The following PFKFB3 variants were observed in gnomAD, a reference collection of about 807,000 sequenced individuals.
PFKFB3 encodes 6-phosphofructo-2-kinase/fructose-2,6-biphosphatase 3, also known as 6-phosphofructo-2-kinase/fructose-2,6-bisphosphatase 3.
A neutral mutation model predicts 68.0 loss-of-function variants in PFKFB3; 33 were observed. The ratio of observed to expected loss-of-function variants is 0.49; its 90% confidence interval spans 0.37 to 0.65. The LOEUF (loss-of-function observed/expected upper bound fraction) is 0.65, where lower values mean the gene tolerates loss of function less well. PFKFB3 is among the 30% of genes least tolerant of loss of function. The pLI is 0.00. For synonymous variants in PFKFB3, 315 were observed against 288.2 expected (o/e 1.09, Z -0.94); for missense variants, 586 against 712.2 (o/e 0.82, Z 2.02).
chr10:6,254,938 C>G (rs1846471930), downstream of PFKFB3, among the ~76,000 whole-genome samples: 1 of 150,790 alleles, frequency 6.6e-6, no homozygotes, highest in African/African-American at 2.4e-5. Context: ...CTGCCTCAGC[C>G]TCCCGCGTAG....
At chr10:6,222,114 T>C (rs1481398530) in intron 10 of PFKFB3, among the ~76,000 whole-genome samples, 2 of 152,116 alleles carry the variant, frequency 1.3e-5, no homozygotes, top group African/African-American at 4.8e-5. Context: ...GAGGACGCTG[T>C]TGCCTCCTCT....
In PFKFB3 at chr10:6,207,465, A is replaced by T. The variant is rs186376141; in HGVS notation, c.76+4129A>T. On this transcript the variant is annotated intron_variant, in intron 1 of 14. Transcript: ENST00000379775. ...GGAGAGGGAGCTGGAGCTTAAAAAA[A>T]TTTTTTCATAGAGATGGGGTCTTGC... is the stretch of plus-strand genomic sequence containing the variant. Among the ~76,000 whole-genome samples the T allele has an allele frequency of 1.3e-3, 194 of 152,136 alleles. 1 individual carries two copies. Among genetic ancestry groups the T allele is most frequent in the African/African-American group, 3.5e-3 (146 of 41,498 alleles).
intron 1 of PFKFB3, chr10:6,145,075 G>A (rs1841332320): frequency 2.4e-6 from 3 of 1,254,728 alleles, no homozygotes; most frequent in African/African-American, 1.6e-5. Context: ...GCGGCCGCCT[G>A]TGGGTACCCG....
the PFKFB3 span, among the ~76,000 whole-genome samples, chr10:6,300,003 G>A: frequency 1.8e-5 from 2 of 110,958 alleles, no homozygotes; most frequent in African/African-American, 3.2e-5. Context: ...TTTTAGTGAA[G>A]AGGGAGGAAT....
Position 6,229,213 on chromosome 10 carries a change from G to T in PFKFB3, c.1515+2848G>T. ...ATGGCGCTCAGATTTTGGTGGCAAA[G>T]GGGTGAAGGGCCAGAGGATGTACCA... is the stretch of plus-strand genomic sequence containing the variant. On this transcript the variant is annotated intron_variant, in intron 14 of 14. Coordinates refer to ENST00000379775, the MANE Select transcript of PFKFB3 (RefSeq NM_004566.4). This position sits in a 1 kb window ranked among gnomAD's most constrained non-coding sequence, Gnocchi z 4.3. 2.0e-6 allele frequency: 1 copy of T among 503,882 alleles called. No homozygotes were observed. The highest frequency in any genetic ancestry group is 5.9e-5 in the East Asian group (1 of 16,962). The allele number at this position is 503,882 out of a possible 1,614,324, so 31.2% of individuals were successfully genotyped here. A position where few individuals can be genotyped will look rare whatever the true frequency, so the allele number is the denominator to read the frequency against.
In PFKFB3 at chr10:6,177,472, C is replaced by CTTTCTTTCTT. The variant is rs1842553402; in HGVS notation, c.16+32461_16+32470dup. Among the ~76,000 whole-genome samples the CTTTCTTTCTT allele has an allele frequency of 2.4e-5, 3 of 123,674 alleles. No homozygotes were observed. In the South Asian group the frequency reaches 7.7e-4, roughly 32 times the overall value. 81.1% of individuals were successfully genotyped at this position (123,674 alleles called of 152,430 possible). On this transcript the variant is annotated intron_variant, in intron 1 of 14. Transcript: ENST00000379789. The stretch of plus-strand genomic sequence containing the variant: ...TCTTTCTTTCTTTCTTTCTTTCTTT[C>CTTTCTTTCTT]TTTCTTTCTTTCTTTTTCTTTTCTT...
Position 6,228,323 on chromosome 10 carries a change from T to G in PFKFB3, c.1515+1958T>G. 1 of 1,242,202 alleles carries G rather than the reference T, an allele frequency of 8.1e-7. No homozygotes were observed. The highest frequency in any genetic ancestry group is 1.2e-5 in the South Asian group (1 of 83,138). The allele number at this position is 1,242,202 out of a possible 1,614,324, so 76.9% of individuals were successfully genotyped here. The stretch of plus-strand genomic sequence containing the variant: ...ATTGAGGATGAGAGCAGTTTTGTGA[T>G]GTGAGGTCTTCCGTGGGGGAAGGAG... On this transcript the variant is annotated intron_variant, in intron 14 of 14. Transcript: ENST00000379775. The surrounding 1 kb of genome is among the most constrained non-coding windows in gnomAD (Gnocchi z 4.5).
chr10:6,163,519 G>A (rs1257692411), intron 1 of PFKFB3, among the ~76,000 whole-genome samples: 1 of 152,144 alleles, frequency 6.6e-6, no homozygotes, highest in Non-Finnish European at 1.5e-5. Context: ...GACCCAGCTG[G>A]GAGGTAGGGG....
At chr10:6,214,303 T>A (rs1844417916) in intron 2 of PFKFB3, among the ~76,000 whole-genome samples, 2 of 152,164 alleles carry the variant, frequency 1.3e-5, no homozygotes, top group Admixed American at 1.3e-4. Context: ...GTGCTCCTTA[T>A]GATAATCTAA....
intron 14 of PFKFB3, among the ~76,000 whole-genome samples, chr10:6,227,845 C>A (rs1231185037): frequency 6.6e-6 from 1 of 152,146 alleles, no homozygotes; most frequent in Non-Finnish European, 1.5e-5. Context: ...TTATGAAAAG[C>A]CAGCAGAACT....
the PFKFB3 span, among the ~76,000 whole-genome samples, chr10:6,291,188 G>C: frequency 6.6e-6 from 1 of 152,130 alleles, no homozygotes; most frequent in African/African-American, 2.4e-5. Flanking sequence ...GAAGTGGCTA[G>C]GTTACATAAT....
intron 1 of PFKFB3, among the ~76,000 whole-genome samples, chr10:6,161,563 T>C (rs567223586): frequency 4.0e-5 from 5 of 125,170 alleles, no homozygotes; most frequent in African/African-American, 8.0e-5. Context: ...TATACACACA[T>C]ATGTATATAT....
At chr10:6,247,802 G>T (rs533076571) in intron 14 of PFKFB3, among the ~76,000 whole-genome samples, 181 of 152,370 alleles carry the variant, frequency 1.2e-3, no homozygotes, top group Non-Finnish European at 2.2e-3. Flanking sequence ...TAGTCTCAAA[G>T]AAGAAACAAG....
chr10:6,203,210 A>G lies in PFKFB3; in HGVS notation c.-51A>G. 6.3e-7 allele frequency: 1 copy of G among 1,591,674 alleles called. No homozygotes were observed. ...GGGGGTCGGCGGCCGCTCTCCTGCC[A>G]GCGTCGGGATCTCGGCCCCGGGAGG... On this transcript the variant is annotated 5_prime_UTR_variant, in exon 1 of 15. Transcript: ENST00000379775.
At position 6,215,291 on chromosome 10, in the gene PFKFB3, C is replaced by A; in HGVS notation, c.273C>A (p.Asp91Glu). ...GCTCCTACAACTTCTTCCGCCCCGA[C>A]AATGAGGAAGCCATGAAAGTCCGGA... ...QYSSYNFFRP[D>E]NEEAMKVRKQ... The change falls in exon 3 of 15, where the codon GAC (aspartate) becomes GAA (glutamate). Residue 91 changes from aspartate to glutamate, a missense_variant. Coordinates refer to ENST00000379775, the MANE Select transcript of PFKFB3 (RefSeq NM_004566.4). This position sits in a 1 kb window ranked among gnomAD's most constrained non-coding sequence, Gnocchi z 4.3. 1 of 1,613,948 alleles carries A rather than the reference C, an allele frequency of 6.2e-7. No homozygotes were observed. The highest frequency in any genetic ancestry group is 8.5e-7 in the Non-Finnish European group (1 of 1,179,968).
chr10:6,184,148 G>A (rs1273602325), intron 1 of PFKFB3, among the ~76,000 whole-genome samples: 1 of 152,016 alleles, frequency 6.6e-6, no homozygotes, highest in Non-Finnish European at 1.5e-5. Flanking sequence ...CGCCTTCTGG[G>A]TTCAAGTGAT....
At chr10:6,235,560 G>A (rs568981358), downstream of PFKFB3, 9 of 152,340 alleles carry the variant, frequency 5.9e-5, no homozygotes, top group East Asian at 7.5e-4. Flanking sequence ...TGGTCTTTTC[G>A]TGGGGGAAAG....
chr10:6,248,912 G>A (rs1180510458), intron 14 of PFKFB3, among the ~76,000 whole-genome samples: 1 of 152,020 alleles, frequency 6.6e-6, no homozygotes, highest in Non-Finnish European at 1.5e-5. Flanking sequence ...AGTGGCTCAC[G>A]CCTGTAATCC....
At position 6,228,196 on chromosome 10, in the gene PFKFB3, C is replaced by T; in HGVS notation, c.1515+1831C>T. 6.2e-7 allele frequency: 1 copy of T among 1,612,786 alleles called. No individual in the cohort carries two copies. The highest frequency in any genetic ancestry group is 8.5e-7 in the Non-Finnish European group (1 of 1,179,880). On this transcript the variant is annotated intron_variant, in intron 14 of 14. Coordinates refer to ENST00000379775, the MANE Select transcript of PFKFB3 (RefSeq NM_004566.4). The surrounding 1 kb of genome is among the most constrained non-coding windows in gnomAD (Gnocchi z 4.5). ...TTCTCTCTCTGCTTCTCCTCCGCAG[C>T]CTTTGCTAGGGCAAGCCTGTCTGTA...
Sources: allele counts gnomAD v4.1 joint callset (sites outside exome capture counted in the v4.1 genomes callset), GRCh38; gene constraint gnomAD v4.1.1; non-coding constraint Gnocchi (gnomAD v3.1); transcripts MANE v1.5; gene names NCBI Gene and HGNC (gene_info 2026-07-23, HGNC 2026-07-21).